The following CCDC158 variants were observed in gnomAD, a reference collection of about 807,000 sequenced individuals.
CCDC158 encodes coiled-coil domain-containing protein 158.
A neutral mutation model predicts 138.6 loss-of-function variants in CCDC158; 116 were observed. The ratio of observed to expected loss-of-function variants is 0.84; its 90% CI spans 0.72 to 0.98. The LOEUF (loss-of-function observed/expected upper bound fraction) is 0.98. Among genes scored for constraint, CCDC158 ranks in the 50% least tolerant of loss-of-function variants. CCDC158 has a pLI of 0.00. For synonymous variants in CCDC158, 436 were observed against 442.4 expected, an observed-to-expected ratio of 0.99 and a Z score of 0.18; for missense variants, 1,265 against 1,306.1, an observed-to-expected ratio of 0.97 and a Z score of 0.48.
chr4:76,379,103 C>T (rs59500098), intron 9 of CCDC158, among the ~76,000 whole-genome samples, 187 bp downstream of exon 9: 4,476 of 152,118 alleles, frequency 0.029, 218 homozygotes, highest in African/African-American at 0.1. Context: ...AATCAGAGTA[C>T]ACAATTTAAA....
chr4:76,382,268 C>T (rs377016417), intron 8 of CCDC158, among the ~76,000 whole-genome samples: 15 of 152,238 alleles, frequency 9.9e-5, no homozygotes, highest in Admixed American at 2.6e-4. Flanking sequence ...CTCCCACTCA[C>T]GACTCCTGTT....
chr4:76,348,753 T>A (rs1195990104), intron 18 of CCDC158, among the ~76,000 whole-genome samples: 1 of 152,250 alleles, frequency 6.6e-6, no homozygotes, highest in African/African-American at 2.4e-5. Context: ...GAATTAATTA[T>A]CTGGAAAATA....
chr4:76,325,224 A>T (rs556419681), intron 23 of CCDC158, among the ~76,000 whole-genome samples: 87 of 152,346 alleles, frequency 5.7e-4, no homozygotes, highest in Admixed American at 3.3e-3. Context: ...CAAAAGACTA[A>T]GAAATAACTT....
chr4:76,361,359 G>A (rs1200271981), intron 13 of CCDC158, among the ~76,000 whole-genome samples: 1 of 152,088 alleles, frequency 6.6e-6, no homozygotes, highest in Non-Finnish European at 1.5e-5. Context: ...TCAGGAGATC[G>A]AGACCATCCT....
chr4:76,403,411 C>T (rs1253673927), intron 2 of CCDC158, 131 bp from the exon 3 acceptor site: 2 of 418,968 alleles, frequency 4.8e-6, no homozygotes, highest in African/African-American at 4.2e-5. Flanking sequence ...ATTATTTATA[C>T]AGAAATACAT....
chr4:76,324,655 A>G (rs1346346509), intron 23 of CCDC158, among the ~76,000 whole-genome samples: 1 of 152,174 alleles, frequency 6.6e-6, no homozygotes, highest in Non-Finnish European at 1.5e-5. Flanking sequence ...TTAAAAGGTA[A>G]CATGGAGGCC....
chr4:76,381,928 G>C (rs565400399), intron 8 of CCDC158, among the ~76,000 whole-genome samples: 1 of 143,396 alleles, frequency 7.0e-6, no homozygotes, highest in Non-Finnish European at 1.6e-5. Flanking sequence ...TGATCTGCCC[G>C]CCTCAGCCTC....
At chr4:76,379,782 G>A (rs976766922) in intron 8 of CCDC158, among the ~76,000 whole-genome samples, 29 of 130,752 alleles carry the variant, frequency 2.2e-4, no homozygotes, top group African/African-American at 8.1e-4. Context: ...ACACACACAC[G>A]GTTTGGCTCT....
chr4:76,376,130 T>A (rs780189167), intron 9 of CCDC158, among the ~76,000 whole-genome samples: 1 of 152,236 alleles, frequency 6.6e-6, no homozygotes, highest in East Asian at 1.9e-4. Flanking sequence ...CATGGCTCAT[T>A]GCAGCCTCAA....
Position 76,313,208 on chromosome 4 carries a change from G to A in CCDC158, c.3316C>T (p.Gln1106Ter). Residue 1106 changes from glutamine to a stop codon, truncating the protein, a stop_gained, in exon 25 of 25, where the codon CAG becomes TAG. Coordinates refer to ENST00000682701, the MANE Select transcript of CCDC158 (RefSeq NM_001394954.1). LOFTEE classifies it high-confidence loss of function. The stretch of plus-strand genomic sequence containing the variant: ...ATTTTTTCCTGGTCTTTTACTTTCT[G>A]TATCCTCTTTTCTTGATTTCTGATC... ...SMIRNQEKRI[Q>*]KVKDQEKMLL... is the part of the protein sequence containing the mutation. The A allele has an allele frequency of 6.2e-7, 1 of 1,608,812 alleles. No individual in the cohort carries two copies. Among genetic ancestry groups the A allele is most frequent in the Non-Finnish European group, 8.5e-7 (1 of 1,177,040 alleles).
chr4:76,388,681 A>G (rs1727044844), intron 4 of CCDC158, among the ~76,000 whole-genome samples: 1 of 152,102 alleles, frequency 6.6e-6, no homozygotes, highest in Non-Finnish European at 1.5e-5. Context: ...GAAGGGAAGG[A>G]CCTTGGACAA....
intron 19 of CCDC158, 120 bp from the exon 20 acceptor site, chr4:76,332,611 T>C: frequency 1.5e-6 from 1 of 689,630 alleles, no homozygotes; most frequent in South Asian, 2.3e-5. Context: ...CTGTAGATTT[T>C]AGGCCTCCAA....
intron 18 of CCDC158, among the ~76,000 whole-genome samples, chr4:76,335,353 C>T (rs919083495): frequency 2.0e-5 from 3 of 152,170 alleles, no homozygotes; most frequent in Non-Finnish European, 4.4e-5. Context: ...GCAATATTCA[C>T]TCACCTTAGT....
At chr4:76,328,043 AC>A (rs1720685282) in intron 22 of CCDC158, among the ~76,000 whole-genome samples, 1 of 152,128 alleles carries the variant, frequency 6.6e-6, no homozygotes, top group South Asian at 2.1e-4. Context: ...ATTTTCTAAA[AC>A]TTTTTCCTCT....
chr4:76,411,439 T>A (rs1188033197), intron 2 of CCDC158, among the ~76,000 whole-genome samples: 1 of 152,104 alleles, frequency 6.6e-6, no homozygotes, highest in East Asian at 1.9e-4. Flanking sequence ...AAAATCCCAA[T>A]ACTATCTTTA....
chr4:76,403,082 T>G, intron 3 of CCDC158, 56 bp downstream of exon 3: 1 of 1,235,042 alleles, frequency 8.1e-7, no homozygotes, highest in Non-Finnish European at 1.2e-6. Flanking sequence ...GCAGCTTGAA[T>G]GAATATCATG....
At chr4:76,329,156 A>G (rs915077174) in intron 21 of CCDC158, among the ~76,000 whole-genome samples, 189 bp from the exon 22 acceptor site, 3 of 152,232 alleles carry the variant, frequency 2.0e-5, no homozygotes, top group Non-Finnish European at 4.4e-5. Context: ...TTTTGTATTC[A>G]GAATCCATGA....
chr4:76,316,900 C>CAAAAAAAAAAAAA (rs77150446), intron 24 of CCDC158, among the ~76,000 whole-genome samples: 2 of 62,628 alleles, frequency 3.2e-5, no homozygotes, highest in African/African-American at 5.9e-5. Context: ...CTTTTGCAGA[C>CAAAAAAAAAAAAA]AAAAAAAAAA....
intron 9 of CCDC158, among the ~76,000 whole-genome samples, chr4:76,372,847 T>C (rs1014854703): frequency 6.6e-6 from 1 of 151,660 alleles, no homozygotes; most frequent in South Asian, 2.1e-4. Flanking sequence ...TAATAGCGTT[T>C]CTATAGTTCT....
Sources: allele counts gnomAD v4.1 joint callset (sites outside exome capture counted in the v4.1 genomes callset), GRCh38; gene constraint gnomAD v4.1.1; transcripts MANE v1.5; gene names NCBI Gene and HGNC (gene_info 2026-07-23, HGNC 2026-07-21).